The following PTPRN2 variants were observed in gnomAD, a reference collection of about 807,000 sequenced individuals.
The protein encoded by PTPRN2 is protein tyrosine phosphatase receptor type N2.
PTPRN2 carries 74 observed loss-of-function variants against 118.8 expected under a neutral mutation model. The ratio of observed to expected loss-of-function variants is 0.62; its 90% CI spans 0.52 to 0.76. The LOEUF (loss-of-function observed/expected upper bound fraction) is 0.76. Ranked by LOEUF, PTPRN2 falls within the 30% of genes least tolerant of loss-of-function variation. The pLI, the probability that PTPRN2 is intolerant of heterozygous loss-of-function variation, is 0.00. For synonymous variants in PTPRN2, 641 were observed against 608.0 expected, an observed-to-expected ratio of 1.05 and a Z score of -0.80; for missense variants, 1,481 against 1,394.4, an observed-to-expected ratio of 1.06 and a Z score of -0.99.
At chr7:158,320,913 A>T (rs551926942) in intron 2 of PTPRN2, among the ~76,000 whole-genome samples, 171 of 152,278 alleles carry the variant, frequency 1.1e-3, no homozygotes, top group African/African-American at 3.9e-3. Flanking sequence ...GAAATAGAAA[A>T]TTAAGGAAAT....
intron 14 of PTPRN2, among the ~76,000 whole-genome samples, chr7:157,624,145 G>C (rs908749216): frequency 1.3e-5 from 2 of 152,214 alleles, no homozygotes; most frequent in Non-Finnish European, 2.9e-5. Flanking sequence ...TTGAGGCCGG[G>C]CTCGGTGGCT....
intron 12 of PTPRN2, among the ~76,000 whole-genome samples, chr7:157,684,494 C>T (rs1378284823): frequency 6.6e-6 from 1 of 151,740 alleles, no homozygotes; most frequent in Non-Finnish European, 1.5e-5. Context: ...GCCCGAACCC[C>T]GTTTGGTCCG....
intron 3 of PTPRN2, among the ~76,000 whole-genome samples, chr7:158,263,905 A>G (rs565487751): frequency 6.6e-6 from 1 of 152,332 alleles, no homozygotes; most frequent in South Asian, 2.1e-4. Context: ...CACCCAGCGG[A>G]GGTGGCTGAA....
In PTPRN2 at chr7:158,030,278, C is replaced by T. The variant is rs116863154; in HGVS notation, c.1723+51020G>A. On this transcript the variant is annotated intron_variant, in intron 11 of 22. Transcript: ENST00000389418. The stretch of plus-strand genomic sequence containing the variant: ...ACCAGAAGCAGGCATGGTGCATCCC[C>T]AGGACGGATCCTTCACCGCACCCGA... The T allele has an allele frequency of 2.0e-5, 3 of 152,388 alleles. No individual in the cohort carries two copies. The East Asian group carries it at 5.8e-4, about 29-fold the overall frequency. The allele number at this position is 152,388 out of a possible 1,614,324, so 9.4% of individuals were successfully genotyped here.
chr7:158,524,704 C>T (rs776459591), intron 1 of PTPRN2, among the ~76,000 whole-genome samples: 2 of 152,252 alleles, frequency 1.3e-5, no homozygotes, highest in African/African-American at 2.4e-5. Flanking sequence ...GAAAAATTGG[C>T]GTTAACCCTC....
chr7:158,439,226 C>T lies in PTPRN2; in HGVS notation c.163+50509G>A, dbSNP rs906738482. 3.9e-5 allele frequency among the ~76,000 whole-genome samples: 6 copies of T among 152,224 alleles called. No homozygotes were observed. The South Asian group carries it at 1.0e-3, about 26-fold the overall frequency. The stretch of plus-strand genomic sequence containing the variant: ...AAGCAAACTGTGCCCCCGACCACCT[C>T]GGGCACATGCCTCAGGCCCCCGTCC... On this transcript the variant is annotated intron_variant, in intron 2 of 22. Transcript: ENST00000389418.
At chr7:158,392,166 C>T (rs1811978138) in intron 2 of PTPRN2, among the ~76,000 whole-genome samples, 1 of 152,156 alleles carries the variant, frequency 6.6e-6, no homozygotes, top group South Asian at 2.1e-4. Context: ...GACCTCCCCT[C>T]TCCCTCCCTT....
intron 12 of PTPRN2, among the ~76,000 whole-genome samples, chr7:157,847,782 CCT>C (rs1215289291): frequency 2.7e-5 from 4 of 146,312 alleles, no homozygotes; most frequent in Non-Finnish European, 6.0e-5. Flanking sequence ...TCTACAGAGC[CCT>C]CTCTCACTCC....
chr7:158,091,713 T>C (rs955901421), intron 10 of PTPRN2, among the ~76,000 whole-genome samples: 1 of 141,724 alleles, frequency 7.1e-6, no homozygotes, highest in African/African-American at 2.7e-5. Context: ...GATAGATAGA[T>C]GAGCAGAGAG....
At chr7:157,908,391 G>A (rs1264911948) in intron 11 of PTPRN2, among the ~76,000 whole-genome samples, 2 of 152,254 alleles carry the variant, frequency 1.3e-5, no homozygotes, top group African/African-American at 2.4e-5. Context: ...GAAGCACTTA[G>A]GCAGGAGAAA....
chr7:158,195,050 G>A (rs1229381957), intron 4 of PTPRN2, among the ~76,000 whole-genome samples: 2 of 152,182 alleles, frequency 1.3e-5, no homozygotes, highest in South Asian at 2.1e-4. Context: ...TTGCCTTCGC[G>A]TGTTCTCTCA....
At chr7:157,586,647 A>G (rs913970784) in intron 17 of PTPRN2, among the ~76,000 whole-genome samples, 1 of 147,882 alleles carries the variant, frequency 6.8e-6, no homozygotes, top group African/African-American at 2.5e-5. Flanking sequence ...GCTGGACGCC[A>G]CGTCTGTCCT....
Position 158,475,532 on chromosome 7 carries a change from C to T in PTPRN2, c.163+14203G>A, listed in dbSNP as rs146064962. Among the ~76,000 whole-genome samples the T allele has an allele frequency of 3.1e-3, 479 of 152,252 alleles. 15 individuals carry two copies. The South Asian group carries it at 0.049, about 16-fold the overall frequency. On this transcript the variant is annotated intron_variant, in intron 2 of 22. Transcript: ENST00000389418. ...ACGGGCCCACTCAGCAGAGGAACCC[C>T]CAGCAAAACACCCTCGGGAGGGCAC...
At chr7:157,655,307 G>T (rs889490139) in intron 14 of PTPRN2, among the ~76,000 whole-genome samples, 1 of 152,182 alleles carries the variant, frequency 6.6e-6, no homozygotes, top group African/African-American at 2.4e-5. Flanking sequence ...AGAACTGCGT[G>T]TTTCCCACCA....
chr7:157,974,533 G>A lies in PTPRN2; in HGVS notation c.1724-75796C>T, dbSNP rs1435053849. On this transcript the variant is annotated intron_variant, in intron 11 of 22. Transcript: ENST00000389418. This position sits in a 1 kb window ranked among gnomAD's most constrained non-coding sequence, Gnocchi z 4.0. ...CGTCGGTCCTGCCATGGGACGATGT[G>A]ACTGGGGGCTCGTCCATGCCTTGTC... 6.6e-6 allele frequency among the ~76,000 whole-genome samples: 1 copy of A among 152,166 alleles called. No individual in the cohort carries two copies. The highest frequency in any genetic ancestry group is 2.4e-5 in the African/African-American group (1 of 41,424).
At chr7:157,920,858 T>G (rs1798657455) in intron 11 of PTPRN2, among the ~76,000 whole-genome samples, 2 of 152,206 alleles carry the variant, frequency 1.3e-5, no homozygotes, top group East Asian at 1.9e-4. Context: ...TGGTGATGAC[T>G]TTTTAGAGAT....
chr7:158,383,178 C>T (rs1291853552), intron 2 of PTPRN2, among the ~76,000 whole-genome samples: 1 of 152,166 alleles, frequency 6.6e-6, no homozygotes, highest in African/African-American at 2.4e-5. Flanking sequence ...GTTCAAAAGA[C>T]ACACCTCATG....
rs1162419427 is a variant in PTPRN2 at position 158,270,958 on chromosome 7, ACCCCTCCACCTGGACCAC to A, written c.277+45843_277+45860del. Among the ~76,000 whole-genome samples the A allele has an allele frequency of 4.2e-3, 10 of 2,358 alleles. No homozygotes were observed. The East Asian group carries it at 0.11, about 25-fold the overall frequency. The allele number at this position is 2,358 out of a possible 152,430, so 1.5% of individuals were successfully genotyped here. A position where few individuals can be genotyped will look rare whatever the true frequency, so the allele number is the denominator to read the frequency against. On this transcript the variant is annotated intron_variant, in intron 3 of 22. Coordinates refer to ENST00000389418, the MANE Select transcript of PTPRN2 (RefSeq NM_002847.5). The stretch of plus-strand genomic sequence containing the variant: ...CCTGGACCACCCCCCCACCTGGACC[ACCCCTCCACCTGGACCAC>A]CCCCTCCACCTGGGCCTCCCCATCC...
intron 6 of PTPRN2, among the ~76,000 whole-genome samples, chr7:158,145,221 C>T (rs1234264146): frequency 2.9e-5 from 4 of 138,422 alleles, no homozygotes; most frequent in East Asian, 2.2e-4. Context: ...CCTCACATCA[C>T]GGTGAGAAGG....
Sources: allele counts gnomAD v4.1 joint callset (sites outside exome capture counted in the v4.1 genomes callset), GRCh38; gene constraint gnomAD v4.1.1; non-coding constraint Gnocchi (gnomAD v3.1); transcripts MANE v1.5; gene names NCBI Gene and HGNC (gene_info 2026-07-23, HGNC 2026-07-21).